The following NCOA1 variants were observed in gnomAD, a reference collection of about 807,000 sequenced individuals.
NCOA1 encodes the protein Hin-2 protein.
A neutral mutation model predicts 150.9 loss-of-function variants in NCOA1; 35 were observed. That is an observed-to-expected ratio of 0.23 (90% CI 0.18 to 0.31). NCOA1 has a LOEUF of 0.31. Ranked by LOEUF, NCOA1 falls within the 10% of genes least tolerant of loss-of-function variation. The pLI, the probability that NCOA1 is intolerant of heterozygous loss-of-function variation, is 1.00. For synonymous variants in NCOA1, 590 were observed against 630.0 expected (o/e 0.94, Z 0.95); for missense variants, 1,491 against 1,749.3 (o/e 0.85, Z 2.63).
chr2:24,719,227 T>G (rs1214230720), intron 14 of NCOA1, among the ~76,000 whole-genome samples: 1 of 152,038 alleles, frequency 6.6e-6, no homozygotes, highest in Admixed American at 6.6e-5. Flanking sequence ...TTTTTTAAGC[T>G]CTCAAACAGG....
At chr2:24,559,093 A>G (rs1389923478) in intron 1 of NCOA1, among the ~76,000 whole-genome samples, 1 of 152,212 alleles carries the variant, frequency 6.6e-6, no homozygotes, top group Non-Finnish European at 1.5e-5. Context: ...TAGTGCAGTT[A>G]GAAAAATAAT....
chr2:24,758,062 G>T lies in NCOA1; in HGVS notation c.3971G>T (p.Gly1324Val). Reference sequence around the variant, plus strand: ...AGCATCACCGTTTCCATGGCAGGTGGAAATACGAATGTTCAGAACATGAAC... The same window carrying T: ...AGCATCACCGTTTCCATGGCAGGTGTAAATACGAATGTTCAGAACATGAAC... ...NMSITVSMAG[G>V]NTNVQNMNPM... The change falls in exon 21 of 23, where the codon GGA becomes GTA. Residue 1324 changes from glycine to valine, a missense_variant. This residue lies in a region of NCOA1 where 485 missense variants were observed against 522.8 expected (regional missense o/e 0.93). Coordinates refer to ENST00000348332, the MANE Select transcript of NCOA1 (RefSeq NM_003743.5). 6.2e-7 allele frequency: 1 copy of T among 1,614,138 alleles called. No homozygotes were observed. The highest frequency in any genetic ancestry group is 8.5e-7 in the Non-Finnish European group (1 of 1,180,036).
chr2:24,672,098 A>G (rs922107673), intron 6 of NCOA1, among the ~76,000 whole-genome samples: 1 of 150,580 alleles, frequency 6.6e-6, no homozygotes, highest in Non-Finnish European at 1.5e-5. Context: ...TTAAAACATG[A>G]AACAATAACA....
At chr2:24,550,800 T>A (rs562029965) in intron 1 of NCOA1, among the ~76,000 whole-genome samples, 1 of 152,200 alleles carries the variant, frequency 6.6e-6, no homozygotes, top group African/African-American at 2.4e-5. Flanking sequence ...AGTATTTGTA[T>A]TACCTAACTT....
intron 1 of NCOA1, among the ~76,000 whole-genome samples, chr2:24,533,904 C>CT (rs1236262889): frequency 1.4e-4 from 21 of 151,160 alleles, no homozygotes; most frequent in Admixed American, 5.3e-4. Context: ...CTAAAATTCT[C>CT]TTTTTTGTTG....
At chr2:24,766,838 G>C (rs1439967438) in intron 22 of NCOA1, among the ~76,000 whole-genome samples, 1 of 152,188 alleles carries the variant, frequency 6.6e-6, no homozygotes, top group Non-Finnish European at 1.5e-5. Context: ...CTGGAGAGCA[G>C]ACTGGGCGCG....
At chr2:24,736,129 G>A (rs188293379) in intron 17 of NCOA1, among the ~76,000 whole-genome samples, 8 of 151,480 alleles carry the variant, frequency 5.3e-5, no homozygotes, top group Admixed American at 5.3e-4. Context: ...GCTGAGACAA[G>A]AGAATCGCTT....
intron 3 of NCOA1, among the ~76,000 whole-genome samples, chr2:24,590,727 C>T (rs1189185171): frequency 6.6e-6 from 1 of 152,164 alleles, no homozygotes; most frequent in East Asian, 1.9e-4. Context: ...CTGTAGTCAG[C>T]TCAATGCAGG....
At chr2:24,697,242 A>G (rs2148572848) in intron 10 of NCOA1, among the ~76,000 whole-genome samples, 1 of 152,316 alleles carries the variant, frequency 6.6e-6, no homozygotes, top group Middle Eastern at 3.4e-3. Context: ...TTCTTTTCTC[A>G]TATTCTCTTC....
chr2:24,493,030 G>T (rs941663319), intron 1 of NCOA1, among the ~76,000 whole-genome samples: 2 of 151,752 alleles, frequency 1.3e-5, no homozygotes, highest in Non-Finnish European at 2.9e-5. Flanking sequence ...CTCCTATGAT[G>T]TTGTAGGAAG....
chr2:24,656,926 T>C (rs183104550), intron 4 of NCOA1, among the ~76,000 whole-genome samples: 159 of 152,364 alleles, frequency 1.0e-3, no homozygotes, highest in African/African-American at 3.8e-3. Context: ...CACATAAATA[T>C]TGGAGTGCAC....
chr2:24,567,323 T>G (rs1422319971), intron 2 of NCOA1, among the ~76,000 whole-genome samples: 4 of 152,260 alleles, frequency 2.6e-5, no homozygotes, highest in Non-Finnish European at 5.9e-5. Flanking sequence ...ATAGTTCGTC[T>G]TAGTACCAGA....
chr2:24,688,880 G>A (rs1478124039), intron 8 of NCOA1, among the ~76,000 whole-genome samples: 1 of 152,138 alleles, frequency 6.6e-6, no homozygotes, highest in African/African-American at 2.4e-5. Flanking sequence ...ATAGTTTTGG[G>A]TTTTACATTT....
intron 3 of NCOA1, among the ~76,000 whole-genome samples, chr2:24,635,325 C>T (rs1210457300): frequency 6.6e-6 from 1 of 152,090 alleles, no homozygotes; most frequent in Admixed American, 6.6e-5. Flanking sequence ...GTGTGCTCAG[C>T]CTCCCATCAG....
At chr2:24,696,711 G>A (rs142160140) in intron 10 of NCOA1, among the ~76,000 whole-genome samples, 4 of 152,226 alleles carry the variant, frequency 2.6e-5, no homozygotes, top group African/African-American at 9.6e-5. Context: ...AGTGCTGATT[G>A]TAATGGCAAA....
At chr2:24,563,839 A>G (rs774324841) in intron 1 of NCOA1, among the ~76,000 whole-genome samples, 105 of 152,192 alleles carry the variant, frequency 6.9e-4, no homozygotes, top group Non-Finnish European at 8.7e-4. Flanking sequence ...CTAATTTGTA[A>G]TATCCCACTT....
At chr2:24,662,989 CTTG>C (rs546924450) in intron 5 of NCOA1, among the ~76,000 whole-genome samples, 481 of 147,890 alleles carry the variant, frequency 3.3e-3, no homozygotes, top group Middle Eastern at 6.9e-3. Context: ...GAGACAGGGT[CTTG>C]TTGTGTTACC....
At chr2:24,600,522 T>C (rs1045120009) in intron 3 of NCOA1, among the ~76,000 whole-genome samples, 1 of 152,244 alleles carries the variant, frequency 6.6e-6, no homozygotes, top group Non-Finnish European at 1.5e-5. Context: ...GAAATTATTA[T>C]GTTTTTTATT....
intron 6 of NCOA1, among the ~76,000 whole-genome samples, chr2:24,667,745 T>C (rs1558887895): frequency 6.6e-6 from 1 of 152,222 alleles, no homozygotes; most frequent in Non-Finnish European, 1.5e-5. Context: ...CTGCCCCTGC[T>C]ATTTACAGTT....
Sources: allele counts gnomAD v4.1 joint callset (sites outside exome capture counted in the v4.1 genomes callset), GRCh38; gene constraint gnomAD v4.1.1; regional missense constraint gnomAD v4.1.1; transcripts MANE v1.5; gene names NCBI Gene and HGNC (gene_info 2026-07-23, HGNC 2026-07-21).